The following VWA3B variants were observed in gnomAD, a reference collection of about 807,000 sequenced individuals.
The protein encoded by VWA3B is von Willebrand factor A domain containing 3B, also known as von Willebrand factor A domain-containing protein 3B.
VWA3B carries 138 observed loss-of-function variants against 158.3 expected under a neutral mutation model. The ratio of observed to expected loss-of-function variants is 0.87; its 90% CI spans 0.76 to 1.00. The LOEUF (loss-of-function observed/expected upper bound fraction) is 1.00, where lower values mean the gene tolerates loss of function less well. Ranked by LOEUF, VWA3B falls within the 50% of genes least tolerant of loss-of-function variation. The pLI is 0.00. For missense variants in VWA3B, 1,555 were observed against 1,565.1 expected (o/e 0.99, Z 0.11); for synonymous variants, 596 against 587.3 (o/e 1.01, Z -0.21).
intron 19 of VWA3B, among the ~76,000 whole-genome samples, 154 bp from the exon 20 acceptor site, chr2:98,250,164 T>C (rs1200617934): frequency 2.0e-5 from 3 of 152,208 alleles, no homozygotes; most frequent in African/African-American, 7.2e-5. Flanking sequence ...CTCTTTTTTC[T>C]CTGTGATTTA....
intron 22 of VWA3B, 97 bp downstream of exon 22, chr2:98,270,980 G>A (rs901823736): frequency 8.3e-6 from 10 of 1,203,302 alleles, no homozygotes; most frequent in African/African-American, 3.1e-5. Context: ...CCCACTCCCC[G>A]CCACACTGAT....
intron 13 of VWA3B, among the ~76,000 whole-genome samples, chr2:98,213,888 GC>G (rs548172292): frequency 2.1e-3 from 320 of 152,208 alleles, no homozygotes; most frequent in African/African-American, 7.3e-3. Context: ...ACACAGATAA[GC>G]ATTAAAAAGG....
intron 7 of VWA3B, among the ~76,000 whole-genome samples, chr2:98,136,492 C>T (rs1237062369): frequency 1.3e-5 from 2 of 151,858 alleles, no homozygotes; most frequent in East Asian, 1.9e-4. Context: ...AGGCACTAGC[C>T]GATTTGGTGT....
intron 25 of VWA3B, among the ~76,000 whole-genome samples, chr2:98,302,524 A>C (rs895027448): frequency 5.9e-5 from 9 of 152,350 alleles, no homozygotes; most frequent in South Asian, 4.2e-4. Context: ...GTGAGCAAAA[A>C]GCCAGGTAAC....
At chr2:98,316,455 C>T (rs372571185), downstream of VWA3B, among the ~76,000 whole-genome samples, 1 of 151,946 alleles carries the variant, frequency 6.6e-6, no homozygotes, top group Non-Finnish European at 1.5e-5. Flanking sequence ...CCAGCCTGGG[C>T]AACATGGCAA....
intron 22 of VWA3B, among the ~76,000 whole-genome samples, chr2:98,273,305 CATTTTA>C (rs1688318678): frequency 4.6e-5 from 7 of 152,156 alleles, no homozygotes; most frequent in Admixed American, 4.6e-4. Context: ...TGTTCTCTTT[CATTTTA>C]TTCTTTCTTC....
chr2:98,158,005 A>C (rs1285202474), intron 7 of VWA3B, among the ~76,000 whole-genome samples: 1 of 152,192 alleles, frequency 6.6e-6, no homozygotes, highest in East Asian at 1.9e-4. Context: ...TGAACCTAGA[A>C]GGAAATGACT....
intron 7 of VWA3B, among the ~76,000 whole-genome samples, chr2:98,144,223 A>G (rs1002346182): frequency 3.9e-5 from 6 of 152,144 alleles, no homozygotes; most frequent in Admixed American, 2.6e-4. Flanking sequence ...AATGTTTTCT[A>G]TGGTCTCTAG....
intron 7 of VWA3B, among the ~76,000 whole-genome samples, chr2:98,157,776 C>A (rs1678212177): frequency 6.6e-6 from 1 of 152,180 alleles, no homozygotes; most frequent in South Asian, 2.1e-4. Context: ...TGGGGTTGGG[C>A]AGGGCCACAA....
At chr2:98,103,788 A>T (rs1160001048) in intron 2 of VWA3B, among the ~76,000 whole-genome samples, 1 of 152,204 alleles carries the variant, frequency 6.6e-6, no homozygotes, top group Non-Finnish European at 1.5e-5. Context: ...AAGATGGTTG[A>T]AAGTCTTGGG....
chr2:98,145,967 T>C (rs1677147025), intron 7 of VWA3B, among the ~76,000 whole-genome samples: 1 of 152,170 alleles, frequency 6.6e-6, no homozygotes, highest in Admixed American at 6.6e-5. Context: ...ACTCCTGGCC[T>C]CAAGTGATCT....
chr2:98,090,245 G>A (rs565872816), intron 1 of VWA3B, among the ~76,000 whole-genome samples: 41 of 152,272 alleles, frequency 2.7e-4, no homozygotes, highest in African/African-American at 9.4e-4. Flanking sequence ...ACAAGTTGAG[G>A]CATATTAGTC....
At chr2:98,093,598 G>T (rs1463562673) in intron 2 of VWA3B, among the ~76,000 whole-genome samples, 1 of 152,024 alleles carries the variant, frequency 6.6e-6, no homozygotes, top group Non-Finnish European at 1.5e-5. Context: ...ATTGTGAATG[G>T]CTGTATCTAG....
intron 3 of VWA3B, among the ~76,000 whole-genome samples, chr2:98,116,867 G>C (rs1674578549): frequency 6.6e-6 from 1 of 152,136 alleles, no homozygotes; most frequent in African/African-American, 2.4e-5. Flanking sequence ...TCAAAGGAGT[G>C]ATTCTTCAAC....
intron 7 of VWA3B, among the ~76,000 whole-genome samples, chr2:98,136,629 A>G (rs1435083726): frequency 6.7e-6 from 1 of 149,938 alleles, no homozygotes; most frequent in Admixed American, 6.6e-5. Context: ...CAAACTGGAC[A>G]CTCCCTTCAG....
At chr2:98,127,945 C>T (rs912689717) in intron 5 of VWA3B, among the ~76,000 whole-genome samples, 1 of 152,174 alleles carries the variant, frequency 6.6e-6, no homozygotes, top group African/African-American at 2.4e-5. Context: ...ATAACCACTC[C>T]GAACCTGTGC....
At chr2:98,103,754 G>T (rs1683242784) in intron 2 of VWA3B, among the ~76,000 whole-genome samples, 2 of 152,118 alleles carry the variant, frequency 1.3e-5, no homozygotes, top group South Asian at 4.1e-4. Context: ...TTGTTAGGTA[G>T]TATTTATAAA....
intron 26 of VWA3B, among the ~76,000 whole-genome samples, chr2:98,307,174 C>A (rs1294009049): frequency 6.6e-6 from 1 of 152,168 alleles, no homozygotes; most frequent in Non-Finnish European, 1.5e-5. Flanking sequence ...AGCACTTGAA[C>A]ATAAATTTAA....
intron 22 of VWA3B, among the ~76,000 whole-genome samples, chr2:98,287,318 C>T (rs140518411): frequency 2.0e-4 from 30 of 152,172 alleles, no homozygotes; most frequent in Admixed American, 6.5e-4. Flanking sequence ...TCTTCTTTTC[C>T]GACCCTTTTA....
Sources: allele counts gnomAD v4.1 joint callset (sites outside exome capture counted in the v4.1 genomes callset), GRCh38; gene constraint gnomAD v4.1.1; transcripts MANE v1.5; gene names NCBI Gene and HGNC (gene_info 2026-07-23, HGNC 2026-07-21).